The following AUTS2 variants were observed in gnomAD, a reference collection of about 807,000 sequenced individuals.
AUTS2 encodes the protein autism susceptibility gene 2 protein.
In AUTS2, 17 loss-of-function variants were observed where a neutral mutation model predicts 112.4. That is an observed-to-expected ratio of 0.15 (90% CI 0.10 to 0.23). The LOEUF (loss-of-function observed/expected upper bound fraction) is 0.23, where lower values mean the gene tolerates loss of function less well. Ranked by LOEUF, AUTS2 falls within the 10% of genes least tolerant of loss-of-function variation. AUTS2 has a pLI of 1.00. For synonymous variants in AUTS2, 751 were observed against 702.7 expected (o/e 1.07, Z -1.09); for missense variants, 1,510 against 1,701.6 (o/e 0.89, Z 1.98).
At chr7:70,100,278 C>T (rs1190717764) in intron 2 of AUTS2, among the ~76,000 whole-genome samples, 2 of 152,174 alleles carry the variant, frequency 1.3e-5, no homozygotes, top group Non-Finnish European at 2.9e-5. Context: ...CAAATTATCT[C>T]TGTGCTTTAG....
At chr7:70,442,122 C>T (rs1009500450) in intron 5 of AUTS2, among the ~76,000 whole-genome samples, 14 of 152,206 alleles carry the variant, frequency 9.2e-5, no homozygotes, top group African/African-American at 3.1e-4. Context: ...AGCAGCAAAG[C>T]AGACAGCCAT....
intron 5 of AUTS2, among the ~76,000 whole-genome samples, chr7:70,496,871 C>G (rs1456089304): frequency 1.4e-5 from 2 of 145,782 alleles, no homozygotes; most frequent in Admixed American, 6.8e-5. Context: ...ACACCCCACA[C>G]ACATGCACAC....
At chr7:70,528,895 G>A (rs964254416) in intron 5 of AUTS2, among the ~76,000 whole-genome samples, 2 of 152,198 alleles carry the variant, frequency 1.3e-5, no homozygotes, top group Admixed American at 6.5e-5. Context: ...GTAAGGGTGG[G>A]CAAAGCAAAT....
At chr7:70,615,717 T>G (rs979246985) in intron 5 of AUTS2, among the ~76,000 whole-genome samples, 1 of 152,106 alleles carries the variant, frequency 6.6e-6, no homozygotes, top group African/African-American at 2.4e-5. Context: ...GGTGTCCTAA[T>G]AAGAGTTTGG....
At chr7:69,714,313 G>A (rs796476890) in intron 1 of AUTS2, among the ~76,000 whole-genome samples, 4 of 148,972 alleles carry the variant, frequency 2.7e-5, no homozygotes, top group African/African-American at 1.0e-4. Flanking sequence ...TCCCTATGTT[G>A]CCTGGGCTGG....
intron 5 of AUTS2, among the ~76,000 whole-genome samples, chr7:70,679,247 T>C (rs998921076): frequency 6.6e-6 from 1 of 151,988 alleles, no homozygotes; most frequent in African/African-American, 2.4e-5. Flanking sequence ...CAAAAATGAG[T>C]AACTGTAAAG....
chr7:70,523,585 T>C (rs1313026141), intron 5 of AUTS2, among the ~76,000 whole-genome samples: 3 of 152,174 alleles, frequency 2.0e-5, no homozygotes, highest in Non-Finnish European at 4.4e-5. Context: ...AGACTCCTCT[T>C]CAGGAATCAG....
intron 2 of AUTS2, among the ~76,000 whole-genome samples, chr7:69,936,335 C>T (rs1796408599): frequency 6.6e-6 from 1 of 151,940 alleles, no homozygotes; most frequent in Non-Finnish European, 1.5e-5. Context: ...TTGGGACCTA[C>T]AGATTTTTTT....
chr7:69,789,363 G>A (rs1486180810), intron 1 of AUTS2, among the ~76,000 whole-genome samples: 1 of 152,182 alleles, frequency 6.6e-6, no homozygotes, highest in Non-Finnish European at 1.5e-5. Context: ...GATTCCAAAG[G>A]TTAGCTAAGT....
intron 1 of AUTS2, among the ~76,000 whole-genome samples, chr7:69,726,538 C>T (rs1160258755): frequency 6.8e-6 from 1 of 148,036 alleles, no homozygotes; most frequent in Non-Finnish European, 1.5e-5. Context: ...AGACATAGGT[C>T]ATGATTTTTT....
chr7:70,173,376 GAA>G (rs1808810593), intron 4 of AUTS2, among the ~76,000 whole-genome samples: 1 of 149,766 alleles, frequency 6.7e-6, no homozygotes, highest in Non-Finnish European at 1.5e-5. Flanking sequence ...AAAAAAAAAA[GAA>G]AGAGAGAAAG....
At chr7:69,609,655 A>G (rs542097134) in intron 1 of AUTS2, among the ~76,000 whole-genome samples, 23 of 152,338 alleles carry the variant, frequency 1.5e-4, no homozygotes, top group African/African-American at 4.8e-4. Context: ...ACTTCATAAC[A>G]TTGGTAGCAG....
At chr7:70,750,156 AG>A (rs1331511078) in intron 6 of AUTS2, among the ~76,000 whole-genome samples, 2 of 152,110 alleles carry the variant, frequency 1.3e-5, no homozygotes, top group African/African-American at 4.8e-5. Context: ...TCTTTCTACT[AG>A]GGTAACTTGG....
intron 4 of AUTS2, among the ~76,000 whole-genome samples, chr7:70,278,212 G>A (rs1239374885): frequency 2.0e-5 from 3 of 152,134 alleles, no homozygotes; most frequent in Non-Finnish European, 4.4e-5. Context: ...AGCAAGCACA[G>A]AATAATAACC....
intron 1 of AUTS2, among the ~76,000 whole-genome samples, chr7:69,860,301 T>C (rs1792918053): frequency 6.6e-6 from 1 of 152,038 alleles, no homozygotes; most frequent in Admixed American, 6.6e-5. Flanking sequence ...ACCATGGTGA[T>C]ATCTGAAGGG....
intron 4 of AUTS2, among the ~76,000 whole-genome samples, chr7:70,374,600 C>T (rs944292509): frequency 6.6e-6 from 1 of 152,046 alleles, no homozygotes; most frequent in Admixed American, 6.6e-5. Flanking sequence ...CTTTTTGCAA[C>T]GTAAAAAGAG....
chr7:70,437,229 G>C (rs28673085), intron 5 of AUTS2: 1 of 152,186 alleles, frequency 6.6e-6, no homozygotes, highest in Non-Finnish European at 1.5e-5. Flanking sequence ...AGTAGGAGCT[G>C]CCTTTCTCCA....
chr7:70,295,946 A>C (rs889539867), intron 4 of AUTS2, among the ~76,000 whole-genome samples: 4 of 152,190 alleles, frequency 2.6e-5, no homozygotes, highest in African/African-American at 9.6e-5. Context: ...TCTGTCTGTC[A>C]ATCTGTATAC....
chr7:69,751,036 ATCT>A (rs1480572608), intron 1 of AUTS2, among the ~76,000 whole-genome samples: 1 of 152,108 alleles, frequency 6.6e-6, no homozygotes. Flanking sequence ...AAAATTGTAC[ATCT>A]TCTTTGAAGG....
Sources: gnomAD v4.1 joint callset for allele counts (sites outside exome capture counted in the v4.1 genomes callset) on GRCh38, gnomAD v4.1.1 for gene constraint, MANE v1.5 for transcripts, NCBI Gene and HGNC (gene_info 2026-07-23, HGNC 2026-07-21) for gene names.